The following RAP1B variants were observed in gnomAD, a reference collection of about 807,000 sequenced individuals.
The protein encoded by RAP1B is ras-related protein Rap-1b.
A neutral mutation model predicts 27.5 loss-of-function variants in RAP1B; 1 was observed. The observed-to-expected ratio is 0.04, with a 90% CI of 0.01 to 0.17. The LOEUF (loss-of-function observed/expected upper bound fraction) is 0.17, where lower values mean the gene tolerates loss of function less well. RAP1B is among the 10% of genes least tolerant of loss of function. The pLI is 1.00. For missense variants in RAP1B, 84 were observed against 214.8 expected, an observed-to-expected ratio of 0.39 and a Z score of 3.81; for synonymous variants, 75 against 73.1, an observed-to-expected ratio of 1.03 and a Z score of -0.13.
chr12:68,647,197 CG>C (rs914901900), intron 1 of RAP1B, among the ~76,000 whole-genome samples: 2 of 152,024 alleles, frequency 1.3e-5, no homozygotes, highest in Non-Finnish European at 2.9e-5. Context: ...TGATTACAGG[CG>C]TGTACCACCA....
Position 68,650,411 on chromosome 12 carries a change from T to C in RAP1B, c.69T>C (p.Phe23=). The C allele has an allele frequency of 6.4e-7, 1 of 1,563,534 alleles. No homozygotes were observed. Reference sequence around the variant, plus strand: ...AATTTTTTTTTCAGACTGTACAATTTGTTCAAGGAATTTTTGTAGAAAAAT... The same window carrying C: ...AATTTTTTTTTCAGACTGTACAATTCGTTCAAGGAATTTTTGTAGAAAAAT... ...GVGKSALTVQ[F]VQGIFVEKYD... The change falls in exon 3 of 8, where the codon TTT becomes TTC. Residue 23 remains phenylalanine (F), a synonymous_variant. Coordinates refer to ENST00000250559, the MANE Select transcript of RAP1B (RefSeq NM_001010942.3).
intron 7 of RAP1B, 81 bp downstream of exon 7, chr12:68,657,298 T>C (rs1299190968): frequency 1.2e-6 from 1 of 822,680 alleles, no homozygotes; most frequent in Admixed American, 2.6e-5. Context: ...AGTATAGACT[T>C]CTTTTTGTTG....
chr12:68,646,793 CTGTT>C (rs1469538475), intron 1 of RAP1B, among the ~76,000 whole-genome samples: 4 of 152,202 alleles, frequency 2.6e-5, no homozygotes, highest in African/African-American at 7.2e-5. Context: ...TCCTGTGGCT[CTGTT>C]TGTACAAGTA....
chr12:68,620,567 A>G (rs1450466847), intron 1 of RAP1B, among the ~76,000 whole-genome samples: 1 of 151,592 alleles, frequency 6.6e-6, no homozygotes, highest in Non-Finnish European at 1.5e-5. Context: ...AACTGTTTTT[A>G]TAAACTCATG....
At chr12:68,619,533 A>G (rs1482906018) in intron 1 of RAP1B, among the ~76,000 whole-genome samples, 1 of 152,236 alleles carries the variant, frequency 6.6e-6, no homozygotes, top group East Asian at 1.9e-4. Flanking sequence ...AAGTTTATCA[A>G]TAAGGTATCC....
intron 1 of RAP1B, among the ~76,000 whole-genome samples, chr12:68,633,503 C>T (rs1223873044): frequency 1.3e-5 from 2 of 152,168 alleles, no homozygotes; most frequent in African/African-American, 2.4e-5. Context: ...AGAGTGTCTT[C>T]TGGGCTTTAA....
At chr12:68,627,060 A>G in intron 1 of RAP1B, 1 of 1,593,902 alleles carries the variant, frequency 6.3e-7, no homozygotes, top group Non-Finnish European at 8.5e-7. Flanking sequence ...GGCCCTGCGC[A>G]GGGCCTCAAT....
chr12:68,635,525 G>A (rs1014223671), intron 1 of RAP1B, among the ~76,000 whole-genome samples: 1 of 151,556 alleles, frequency 6.6e-6, no homozygotes, highest in Non-Finnish European at 1.5e-5. Flanking sequence ...GTGCGATCTC[G>A]GCTCACTGCA....
In RAP1B at chr12:68,610,992, G is replaced by C. The variant is rs1870521519; in HGVS notation, c.-78G>C. The stretch of plus-strand genomic sequence containing the variant: ...GCCGTGGCGCCTAGAGTAGCGACCC[G>C]GGGGGAGCGCGGGGCGACGCTGGCT... On this transcript the variant is annotated 5_prime_UTR_variant, in exon 1 of 8. Coordinates refer to ENST00000250559, the MANE Select transcript of RAP1B (RefSeq NM_001010942.3). 1 of 321,106 alleles carries C rather than the reference G, an allele frequency of 3.1e-6. No homozygotes were observed. Among genetic ancestry groups the C allele is most frequent in the Non-Finnish European group, 5.7e-6 (1 of 175,658 alleles). The allele number at this position is 321,106 out of a possible 1,614,324, so 19.9% of individuals were successfully genotyped here.
Position 68,664,500 on chromosome 12 carries a change from G to C in RAP1B, c.*5251G>C, listed in dbSNP as rs940002655. On this transcript the variant is annotated 3_prime_UTR_variant, in exon 8 of 8. Coordinates refer to ENST00000250559, the MANE Select transcript of RAP1B (RefSeq NM_001010942.3). ...AGATGGGTGGATCACTGGAAGCCAG[G>C]AGTTTGAGACAAGCCTGGCCAACAT... 1 of 152,168 alleles carries C rather than the reference G, an allele frequency of 6.6e-6. No individual in the cohort carries two copies. Among genetic ancestry groups the C allele is most frequent in the African/African-American group, 2.4e-5 (1 of 41,408 alleles). 9.4% of individuals were successfully genotyped at this position (152,168 alleles called of 1,614,324 possible). A position where few individuals can be genotyped will look rare whatever the true frequency, so the allele number is the denominator to read the frequency against.
chr12:68,636,802 C>T lies in RAP1B; in HGVS notation c.-26-11897C>T, dbSNP rs148399265. On this transcript the variant is annotated intron_variant, in intron 1 of 7. Transcript: ENST00000250559. ...CGGAGTAGCTGGGATTACAGGTGTG[C>T]ACCATCATGCCCAGCTAATTTTTGT... Among the ~76,000 whole-genome samples the T allele has an allele frequency of 7.2e-5, 11 of 152,016 alleles. No homozygotes were observed. The East Asian group carries it at 2.1e-3, about 30-fold the overall frequency.
chr12:68,643,741 C>T (rs1873192597), intron 1 of RAP1B, among the ~76,000 whole-genome samples: 1 of 152,028 alleles, frequency 6.6e-6, no homozygotes, highest in Non-Finnish European at 1.5e-5. Flanking sequence ...TTAAAAATGC[C>T]AGTAATTATC....
rs1400169558 is a variant in RAP1B, at chr12:68,627,096, G to A, written c.-27+16053G>A. ...CACATGCTCCTTGTTCTGCAGCTTG[G>A]TGTGAATGGAGATGATAACTTGGCC... On this transcript the variant is annotated intron_variant, in intron 1 of 7. Transcript: ENST00000250559. 1.3e-5 allele frequency: 20 copies of A among 1,592,014 alleles called. No individual in the cohort carries two copies. The East Asian group carries it at 4.5e-4, about 36-fold the overall frequency.
chr12:68,652,204 G>C (rs538986377), intron 4 of RAP1B, among the ~76,000 whole-genome samples, 153 bp downstream of exon 4: 1 of 152,264 alleles, frequency 6.6e-6, no homozygotes, highest in Non-Finnish European at 1.5e-5. Context: ...CCAGCACTTC[G>C]GGAGGTCAAG....
intron 1 of RAP1B, among the ~76,000 whole-genome samples, chr12:68,613,575 A>G (rs1259373857): frequency 6.6e-6 from 1 of 152,148 alleles, no homozygotes; most frequent in Non-Finnish European, 1.5e-5. Context: ...CAAGATATAT[A>G]TTGTTTTGTA....
At chr12:68,655,535 CTTT>C (rs35350174) in intron 5 of RAP1B, among the ~76,000 whole-genome samples, 1 of 125,594 alleles carries the variant, frequency 8.0e-6, no homozygotes, top group African/African-American at 3.0e-5. Context: ...TTTTGATTGG[CTTT>C]TTTTTTTTTT....
At chr12:68,632,295 G>A (rs1313173552) in intron 1 of RAP1B, among the ~76,000 whole-genome samples, 2 of 151,700 alleles carry the variant, frequency 1.3e-5, no homozygotes, top group African/African-American at 4.8e-5. Flanking sequence ...GAACATACCC[G>A]GCTAACTTTT....
At chr12:68,655,807 A>C (rs1208719295) in intron 5 of RAP1B, among the ~76,000 whole-genome samples, 1 of 152,210 alleles carries the variant, frequency 6.6e-6, no homozygotes, top group African/African-American at 2.4e-5. Flanking sequence ...AAGTGCTGGG[A>C]TTACAGGCGT....
chr12:68,659,336 A>G lies in RAP1B; in HGVS notation c.*87A>G, dbSNP rs1042789476. ...CCAGCATTCCAACTTTGTTAAACCTACCAACATCTTAAATGGACTTTCCTG... is the reference window on the plus strand; with the variant it reads ...CCAGCATTCCAACTTTGTTAAACCTGCCAACATCTTAAATGGACTTTCCTG... On this transcript the variant is annotated 3_prime_UTR_variant, in exon 8 of 8. Coordinates refer to ENST00000250559, the MANE Select transcript of RAP1B (RefSeq NM_001010942.3). The G allele has an allele frequency of 1.1e-5, 5 of 455,106 alleles. No individual in the cohort carries two copies. Among genetic ancestry groups the G allele is most frequent in the Middle Eastern group, 5.3e-4 (1 of 1,880 alleles). 28.2% of individuals were successfully genotyped at this position (455,106 alleles called of 1,614,324 possible).
Sources: gnomAD v4.1 joint callset for allele counts (sites outside exome capture counted in the v4.1 genomes callset) on GRCh38, gnomAD v4.1.1 for gene constraint, MANE v1.5 for transcripts, NCBI Gene and HGNC (gene_info 2026-07-23, HGNC 2026-07-21) for gene names.